CPAMD8: variants seen among roughly 807,000 people sequenced by gnomAD.
CPAMD8 encodes C3 and PZP-like alpha-2-macroglobulin domain-containing protein 8.
Under a neutral mutation model 224.7 loss-of-function variants are expected in CPAMD8, and 146 were observed. The observed-to-expected ratio is 0.65, with a 90% CI of 0.57 to 0.75. The LOEUF (loss-of-function observed/expected upper bound fraction) is 0.75, where lower values mean the gene tolerates loss of function less well. Ranked by LOEUF, CPAMD8 falls within the 30% of genes least tolerant of loss-of-function variation. The pLI, the probability that CPAMD8 is intolerant of heterozygous loss-of-function variation, is 0.00. For synonymous variants in CPAMD8, 966 were observed against 1,044.6 expected, an observed-to-expected ratio of 0.92 and a Z score of 1.45; for missense variants, 2,301 against 2,537.5, an observed-to-expected ratio of 0.91 and a Z score of 2.00.
intron 3 of CPAMD8, 119 bp from the exon 4 acceptor site, chr19:17,011,876 A>T: frequency 8.7e-7 from 1 of 1,145,758 alleles, no homozygotes; most frequent in Non-Finnish European, 1.2e-6. Context: ...ACTGTGCCCC[A>T]GGGGGACACT....
At chr19:17,022,374 A>C (rs531344033) in intron 1 of CPAMD8, among the ~76,000 whole-genome samples, 193 bp from the exon 2 acceptor site, 15 of 152,320 alleles carry the variant, frequency 9.8e-5, no homozygotes, top group African/African-American at 3.4e-4. Flanking sequence ...TCACCTGTGA[A>C]GTCCCCATGC....
chr19:16,996,284 G>C (rs938472671), intron 11 of CPAMD8, among the ~76,000 whole-genome samples: 1 of 152,158 alleles, frequency 6.6e-6, no homozygotes, highest in African/African-American at 2.4e-5. Flanking sequence ...GCTGTGGTGA[G>C]CTATGATCTC....
chr19:17,016,525 C>T (rs551530608), intron 3 of CPAMD8, among the ~76,000 whole-genome samples: 2 of 152,142 alleles, frequency 1.3e-5, no homozygotes, highest in African/African-American at 2.4e-5. Flanking sequence ...CTTTGGGAGG[C>T]TGAGGCAGGT....
intron 26 of CPAMD8, among the ~76,000 whole-genome samples, chr19:16,923,286 C>T (rs980215317): frequency 3.3e-5 from 5 of 152,214 alleles, no homozygotes; most frequent in Non-Finnish European, 5.9e-5. Context: ...GGACAGAAAG[C>T]TGGGGACGGG....
intron 18 of CPAMD8, 29 bp from the exon 19 acceptor site, chr19:16,957,944 G>A (rs1196178680): frequency 1.9e-6 from 3 of 1,597,886 alleles, no homozygotes. Context: ...AAACGATTAA[G>A]GTTTCATGAA....
chr19:16,904,176 A>AGGCCCCCCCC, intron 32 of CPAMD8, 50 bp downstream of exon 32: 1 of 937,334 alleles, frequency 1.1e-6, no homozygotes, highest in Non-Finnish European at 1.7e-6. Flanking sequence ...GACTGCAGGG[A>AGGCCCCCCCC]CCCCACCCAC....
intron 35 of CPAMD8, among the ~76,000 whole-genome samples, chr19:16,902,173 C>T (rs896608778): frequency 1.3e-5 from 2 of 151,836 alleles, no homozygotes; most frequent in African/African-American, 4.8e-5. Context: ...CCAGCCCACC[C>T]GCCCCGACCA....
rs770682589 is a variant in CPAMD8, at chr19:17,011,497, G to A, written c.453C>T (p.Thr151=). 2.0e-5 allele frequency: 32 copies of A among 1,614,096 alleles called. No homozygotes were observed. The South Asian group carries it at 3.0e-4, about 15-fold the overall frequency. Residue 151 remains threonine (T), a synonymous_variant, in exon 5 of 42, where the codon ACC becomes ACT. Transcript: ENST00000443236. ...TGACAGGCCTCAGATTTGGAGAGAC[G>A]GTGAAGATGCTTATGAGCACTAGAA... The part of the protein sequence containing the change: ...PQHRVLISIF[T]VSPNLRPVNE...
At chr19:16,950,765 C>A (rs2122344945) in intron 20 of CPAMD8, among the ~76,000 whole-genome samples, 2 of 144,680 alleles carry the variant, frequency 1.4e-5, no homozygotes, top group East Asian at 2.0e-4. Context: ...TGCGCTCCAG[C>A]CTGGGTGATA....
intron 17 of CPAMD8, among the ~76,000 whole-genome samples, chr19:16,974,359 G>GAAACAGGAGGCTGGCTTGTGCAAA (rs2055179526): frequency 6.6e-6 from 1 of 151,842 alleles, no homozygotes; most frequent in Admixed American, 6.6e-5. Flanking sequence ...TAGGGAGGCT[G>GAAACAGGAGGCTGGCTTGTGCAAA]GGGCACGAGG....
At chr19:16,987,361 C>G (rs2055781811) in intron 13 of CPAMD8, among the ~76,000 whole-genome samples, 1 of 151,344 alleles carries the variant, frequency 6.6e-6, no homozygotes, top group Admixed American at 6.6e-5. Flanking sequence ...CCAAGCAAGA[C>G]AGCAGGACCC....
At chr19:17,002,235 C>T (rs763221507) in intron 9 of CPAMD8, 31 bp downstream of exon 9, 1 of 1,437,890 alleles carries the variant, frequency 7.0e-7, no homozygotes, top group Non-Finnish European at 9.6e-7. Context: ...AAGGGCCCCC[C>T]CAGTGTGCCC....
At chr19:16,905,944 A>C (rs1306758072) in intron 30 of CPAMD8, among the ~76,000 whole-genome samples, 1 of 152,076 alleles carries the variant, frequency 6.6e-6, no homozygotes, top group Non-Finnish European at 1.5e-5. Flanking sequence ...TCCAGGGCTC[A>C]CTCAGCAAGT....
intron 19 of CPAMD8, 23 bp downstream of exon 19, chr19:16,957,830 G>T (rs771031944): frequency 6.2e-7 from 1 of 1,612,918 alleles, no homozygotes; most frequent in East Asian, 2.2e-5. Flanking sequence ...CAAAGTCAGC[G>T]CAGAAAAGAA....
chr19:17,007,108 C>T (rs1417737370), intron 7 of CPAMD8, among the ~76,000 whole-genome samples: 2 of 152,046 alleles, frequency 1.3e-5, no homozygotes, highest in African/African-American at 2.4e-5. Flanking sequence ...CCGAGGCGGG[C>T]GGATCACCTG....
At chr19:16,925,936 T>A (rs1280748253) in intron 25 of CPAMD8, among the ~76,000 whole-genome samples, 1 of 151,910 alleles carries the variant, frequency 6.6e-6, no homozygotes, top group African/African-American at 2.4e-5. Context: ...TATTTTTATT[T>A]TTTTAGTAGA....
intron 26 of CPAMD8, among the ~76,000 whole-genome samples, chr19:16,922,242 C>G (rs1344153989): frequency 2.6e-5 from 4 of 151,960 alleles, no homozygotes; most frequent in Non-Finnish European, 4.4e-5. Context: ...GTCCCTAAAA[C>G]TGCTCCACAC....
At chr19:16,903,005 C>T (rs775216785) in intron 34 of CPAMD8, 142 bp from the exon 35 acceptor site, 2 of 586,104 alleles carry the variant, frequency 3.4e-6, no homozygotes, top group East Asian at 2.8e-5. Flanking sequence ...TAGAGACTAC[C>T]GTTATTCGTT....
chr19:16,989,453 A>T (rs2055859841), intron 13 of CPAMD8, among the ~76,000 whole-genome samples, 190 bp downstream of exon 13: 1 of 151,972 alleles, frequency 6.6e-6, no homozygotes, highest in African/African-American at 2.4e-5. Context: ...CACTCAGCTA[A>T]TTTTTGTATT....
Sources: gnomAD v4.1 joint callset for allele counts (sites outside exome capture counted in the v4.1 genomes callset) on GRCh38, gnomAD v4.1.1 for gene constraint, MANE v1.5 for transcripts, NCBI Gene and HGNC (gene_info 2026-07-23, HGNC 2026-07-21) for gene names.